The following GABRA1 variants were observed in gnomAD, a reference collection of about 807,000 sequenced individuals.
The protein encoded by GABRA1 is gamma-aminobutyric acid type A receptor subunit alpha1, also known as gamma-aminobutyric acid receptor subunit alpha-1.
Under a neutral mutation model 48.9 loss-of-function variants are expected in GABRA1, and 9 were observed. The ratio of observed to expected loss-of-function variants is 0.18; its 90% CI spans 0.11 to 0.32. The LOEUF is 0.32. GABRA1 is among the 10% of genes least tolerant of loss of function. The pLI is 1.00. For missense variants in GABRA1, 285 were observed against 553.8 expected (o/e 0.51, Z 4.87); for synonymous variants, 210 against 198.7 (o/e 1.06, Z -0.48).
chr5:161,867,065 A>G (rs1405755748), intron 4 of GABRA1, among the ~76,000 whole-genome samples: 1 of 152,192 alleles, frequency 6.6e-6, no homozygotes, highest in African/African-American at 2.4e-5. Context: ...CATTACTAAT[A>G]TGCAAGAAAT....
rs1755434405 is a variant in GABRA1, at chr5:161,897,705, C to G, written c.*283C>G. The G allele has an allele frequency of 2.9e-6, 1 of 341,844 alleles. No homozygotes were observed. The highest frequency in any genetic ancestry group is 5.5e-5 in the South Asian group (1 of 18,200). 21.2% of individuals were successfully genotyped at this position (341,844 alleles called of 1,614,324 possible). A position where few individuals can be genotyped will look rare whatever the true frequency, so the allele number is the denominator to read the frequency against. ...AGAGGGGGAAGATGGTTCAAAGATA[C>G]AAGAAAAAGTAGAAAAAAAAATAAC... is the stretch of plus-strand genomic sequence containing the variant. On this transcript the variant is annotated 3_prime_UTR_variant, in exon 10 of 10. Coordinates refer to ENST00000393943, the MANE Select transcript of GABRA1 (RefSeq NM_001127644.2).
At chr5:161,866,219 A>C (rs1039518101) in intron 4 of GABRA1, among the ~76,000 whole-genome samples, 4 of 152,116 alleles carry the variant, frequency 2.6e-5, no homozygotes, top group East Asian at 1.9e-4. Context: ...AAAGGAAATG[A>C]GTGTAAAAGT....
chr5:161,888,164 TGAA>T (rs1561583193), intron 7 of GABRA1, among the ~76,000 whole-genome samples: 1 of 152,138 alleles, frequency 6.6e-6, no homozygotes, highest in Non-Finnish European at 1.5e-5. Context: ...CCTAGACTGT[TGAA>T]GGAGGGAAAA....
At chr5:161,893,166 C>G (rs773125185) in intron 8 of GABRA1, among the ~76,000 whole-genome samples, 1 of 151,888 alleles carries the variant, frequency 6.6e-6, no homozygotes, top group Non-Finnish European at 1.5e-5. Flanking sequence ...ACGAATTCTA[C>G]TCTTTTGATT....
chr5:161,872,739 A>AT (rs150366629), intron 4 of GABRA1, among the ~76,000 whole-genome samples: 10 of 152,138 alleles, frequency 6.6e-5, no homozygotes, highest in Admixed American at 3.9e-4. Context: ...TAATTTAAAC[A>AT]TTTTTTTCCT....
intron 4 of GABRA1, among the ~76,000 whole-genome samples, chr5:161,870,623 CAG>C (rs912988089): frequency 1.4e-4 from 20 of 146,750 alleles, no homozygotes; most frequent in Admixed American, 2.7e-4. Flanking sequence ...GAAAGAAAGA[CAG>C]ACAGACAGAA....
chr5:161,857,001 T>C (rs770923257), intron 3 of GABRA1, among the ~76,000 whole-genome samples: 1 of 151,258 alleles, frequency 6.6e-6, no homozygotes, highest in Non-Finnish European at 1.5e-5. Flanking sequence ...AAGTATGACA[T>C]GCATCCCAGT....
intron 1 of GABRA1, 83 bp downstream of exon 1, chr5:161,848,505 C>CGGGGGGGGGGGGGGGGGG (rs35469580): frequency 6.5e-5 from 2 of 30,702 alleles, no homozygotes; most frequent in Admixed American, 5.0e-4. Flanking sequence ...ATGTTATAGT[C>CGGGGGGGGGGGGGGGGGG]GGGGGGGGGG....
intron 3 of GABRA1, among the ~76,000 whole-genome samples, chr5:161,859,733 A>G (rs1052243741): frequency 6.6e-6 from 1 of 151,794 alleles, no homozygotes; most frequent in Non-Finnish European, 1.5e-5. Context: ...TCTATTTTGT[A>G]TTTATATTAA....
intron 4 of GABRA1, among the ~76,000 whole-genome samples, chr5:161,872,838 T>A (rs917633377): frequency 5.3e-5 from 8 of 152,122 alleles, no homozygotes; most frequent in African/African-American, 1.9e-4. Context: ...GGAGGTGGGG[T>A]GTTACTTTCC....
chr5:161,898,546 A>G lies in GABRA1; in HGVS notation c.*1124A>G, dbSNP rs1174210377. On this transcript the variant is annotated 3_prime_UTR_variant, in exon 10 of 10. Coordinates refer to ENST00000393943, the MANE Select transcript of GABRA1 (RefSeq NM_001127644.2). ...TTAAATGCTATGGAAATACATTTAGAACCTGCATTTAAGAACAGAACAGCA... is the reference window on the plus strand; with the variant it reads ...TTAAATGCTATGGAAATACATTTAGGACCTGCATTTAAGAACAGAACAGCA... 6.6e-6 allele frequency: 1 copy of G among 152,278 alleles called. No homozygotes were observed. Among genetic ancestry groups the G allele is most frequent in the Non-Finnish European group, 1.5e-5 (1 of 68,002 alleles). The allele number at this position is 152,278 out of a possible 1,614,324, so 9.4% of individuals were successfully genotyped here.
At chr5:161,855,487 A>G (rs1346100173) in intron 3 of GABRA1, among the ~76,000 whole-genome samples, 1 of 151,470 alleles carries the variant, frequency 6.6e-6, no homozygotes, top group Non-Finnish European at 1.5e-5. Flanking sequence ...GACATACTAT[A>G]CAAATTTCCC....
chr5:161,864,124 T>C (rs1757963197), intron 3 of GABRA1, among the ~76,000 whole-genome samples: 1 of 152,044 alleles, frequency 6.6e-6, no homozygotes, highest in African/African-American at 2.4e-5. Flanking sequence ...TGTTCTCATT[T>C]TGAGCTTTTA....
chr5:161,859,374 C>A (rs1757766409), intron 3 of GABRA1, among the ~76,000 whole-genome samples: 1 of 151,706 alleles, frequency 6.6e-6, no homozygotes, highest in South Asian at 2.1e-4. Flanking sequence ...TTCCCAACTC[C>A]TAATGCAAGG....
At chr5:161,890,594 A>C (rs536486533) in intron 7 of GABRA1, among the ~76,000 whole-genome samples, 1 of 152,028 alleles carries the variant, frequency 6.6e-6, no homozygotes, top group Admixed American at 6.6e-5. Flanking sequence ...CAATTTAAGG[A>C]TTGGAAAGCC....
At chr5:161,893,892 C>G (rs1755239410) in intron 8 of GABRA1, among the ~76,000 whole-genome samples, 1 of 152,152 alleles carries the variant, frequency 6.6e-6, no homozygotes, top group Non-Finnish European at 1.5e-5. Flanking sequence ...GTGTTCTTTT[C>G]TCTTTTCCTA....
chr5:161,894,940 G>T (rs1328252630), intron 8 of GABRA1, among the ~76,000 whole-genome samples: 1 of 152,028 alleles, frequency 6.6e-6, no homozygotes, highest in African/African-American at 2.4e-5. Context: ...ATTCGAATCA[G>T]AAAAACTGGT....
chr5:161,891,088 T>C (rs547699638), intron 8 of GABRA1, 38 bp downstream of exon 8: 2 of 1,593,606 alleles, frequency 1.3e-6, no homozygotes, highest in African/African-American at 1.3e-5. Flanking sequence ...AGGAAGGGTA[T>C]GGAAGACAAG....
In GABRA1 at chr5:161,888,295, A is replaced by G. The variant is rs1754938366; in HGVS notation, c.704-2603A>G. On this transcript the variant is annotated intron_variant, in intron 7 of 9. Transcript: ENST00000393943. The stretch of plus-strand genomic sequence containing the variant: ...TTTCTTTCATTTTAAAGCTATTACA[A>G]CATGATTCTGATGTTGCTTCCCTTT... 3.9e-5 allele frequency among the ~76,000 whole-genome samples: 6 copies of G among 152,084 alleles called. No homozygotes were observed. In the South Asian group the frequency reaches 1.2e-3, roughly 31 times the overall value.
Sources: allele counts gnomAD v4.1 joint callset (sites outside exome capture counted in the v4.1 genomes callset), GRCh38; gene constraint gnomAD v4.1.1; transcripts MANE v1.5; gene names NCBI Gene and HGNC (gene_info 2026-07-23, HGNC 2026-07-21).